Variants in CNTN4 observed in about 807,000 individuals in gnomAD.
CNTN4 encodes contactin 4, also known as contactin-4.
Under a neutral mutation model 122.5 loss-of-function variants are expected in CNTN4, and 77 were observed. The observed-to-expected ratio is 0.63, with a 90% CI of 0.52 to 0.76. CNTN4 has a LOEUF of 0.76. Ranked by LOEUF, CNTN4 falls within the 30% of genes least tolerant of loss-of-function variation. The pLI is 0.00. For synonymous variants in CNTN4, 512 were observed against 447.0 expected (o/e 1.15, Z -1.83); for missense variants, 1,256 against 1,259.1 (o/e 1.00, Z 0.04).
intron 3 of CNTN4, among the ~76,000 whole-genome samples, chr3:2,566,529 A>G (rs559159019): frequency 1.3e-5 from 2 of 152,218 alleles, no homozygotes; most frequent in African/African-American, 4.8e-5. Flanking sequence ...GTGGTTCACT[A>G]TTCTATGTGC....
At chr3:2,402,852 C>A (rs1473958703) in intron 3 of CNTN4, among the ~76,000 whole-genome samples, 1 of 152,120 alleles carries the variant, frequency 6.6e-6, no homozygotes, top group Non-Finnish European at 1.5e-5. Context: ...GCAGGTTATA[C>A]CTTACGCAGT....
chr3:2,910,520 A>G lies in CNTN4; in HGVS notation c.1207+7515A>G, dbSNP rs113317075. 3.7e-3 allele frequency among the ~76,000 whole-genome samples: 563 copies of G among 152,312 alleles called. 7 individuals carry two copies. Among genetic ancestry groups the G allele is most frequent in the African/African-American group, 0.013 (536 of 41,574 alleles). ...AAAGAGGCAAAGTTTTTCATCAGTC[A>G]GTAAGAAATATGTTATTTTTCTCTT... On this transcript the variant is annotated intron_variant, in intron 12 of 24. Coordinates refer to ENST00000418658, the MANE Select transcript of CNTN4 (RefSeq NM_175607.3).
chr3:2,567,180 G>T (rs1038534777), intron 3 of CNTN4, among the ~76,000 whole-genome samples: 2 of 151,208 alleles, frequency 1.3e-5, no homozygotes, highest in Non-Finnish European at 2.9e-5. Flanking sequence ...TCCGCCTCCT[G>T]GGTTCAAGCC....
At chr3:3,014,160 T>G (rs146915543) in intron 14 of CNTN4, among the ~76,000 whole-genome samples, 1 of 152,328 alleles carries the variant, frequency 6.6e-6, no homozygotes, top group African/African-American at 2.4e-5. Context: ...TAATGTTTTT[T>G]GACTAACCAA....
At chr3:2,827,815 GGCGGAT>G in intron 7 of CNTN4, among the ~76,000 whole-genome samples, 1 of 152,282 alleles carries the variant, frequency 6.6e-6, no homozygotes. Flanking sequence ...GGTAGACTTA[GGCGGAT>G]GCAGGACTTT....
At chr3:2,592,719 C>T (rs1170360929) in intron 4 of CNTN4, among the ~76,000 whole-genome samples, 1 of 152,166 alleles carries the variant, frequency 6.6e-6, no homozygotes, top group Non-Finnish European at 1.5e-5. Context: ...TTGTAAATTG[C>T]CCCATCTTGG....
In CNTN4 at chr3:2,437,995, A is replaced by G. The variant is rs867945065; in HGVS notation, c.-89+98762A>G. Among the ~76,000 whole-genome samples, 8 of 152,242 alleles carry G rather than the reference A, an allele frequency of 5.3e-5. No individual in the cohort carries two copies. The Middle Eastern group carries it at 0.017, about 324-fold the overall frequency. On this transcript the variant is annotated intron_variant, in intron 3 of 24. Transcript: ENST00000418658. ...AGCATCAAAATTGGTACTGCATTAT[A>G]TTTTAAGCCTATGAGGGGATGCCCT...
chr3:2,285,741 G>A (rs2041878322), intron 2 of CNTN4, among the ~76,000 whole-genome samples: 1 of 152,068 alleles, frequency 6.6e-6, no homozygotes, highest in Admixed American at 6.6e-5. Flanking sequence ...ATTATTTACT[G>A]AGATTTGTTT....
chr3:2,944,422 A>G (rs1176517984), intron 13 of CNTN4, among the ~76,000 whole-genome samples: 2 of 152,060 alleles, frequency 1.3e-5, no homozygotes, highest in African/African-American at 2.4e-5. Context: ...GACTGCATTC[A>G]TTTTCTTTCT....
intron 5 of CNTN4, among the ~76,000 whole-genome samples, chr3:2,740,345 G>A (rs2089387665): frequency 6.6e-6 from 1 of 152,170 alleles, no homozygotes; most frequent in South Asian, 2.1e-4. Context: ...GGGTGACAGA[G>A]CAGGAACCGG....
At position 2,883,299 on chromosome 3, in the gene CNTN4, T is replaced by C. The variant is rs944030594; in HGVS notation, c.755+52T>C. Reference sequence around the variant, plus strand: ...ATCCTCCCTTCAGCTTGAGCAGGTATAGAGTTTTTCTTGCACTGTTCACAG... The same window carrying C: ...ATCCTCCCTTCAGCTTGAGCAGGTACAGAGTTTTTCTTGCACTGTTCACAG... On this transcript the variant is annotated intron_variant, in intron 9 of 24. Transcript: ENST00000418658. 3.6e-6 allele frequency: 5 copies of C among 1,385,672 alleles called. No individual in the cohort carries two copies. In the African/African-American group the frequency reaches 5.7e-5, roughly 16 times the overall value. The allele number at this position is 1,385,672 out of a possible 1,614,324, so 85.8% of individuals were successfully genotyped here.
rs138800859 is a variant in CNTN4, at chr3:2,195,281, C to G, written c.-145+94642C>G. On this transcript the variant is annotated intron_variant, in intron 2 of 24. Coordinates refer to ENST00000418658, the MANE Select transcript of CNTN4 (RefSeq NM_175607.3). ...TTCTTTTTCATGTCTGAATAGTATT[C>G]CATTGTCTACATATTCCACATTTTC... Among the ~76,000 whole-genome samples, 41 of 152,284 alleles carry G rather than the reference C, an allele frequency of 2.7e-4. No individual in the cohort carries two copies. In the East Asian group the frequency reaches 7.5e-3, roughly 28 times the overall value.
chr3:2,703,841 A>G (rs2086495211), intron 4 of CNTN4, among the ~76,000 whole-genome samples: 2 of 152,172 alleles, frequency 1.3e-5, no homozygotes, highest in South Asian at 4.1e-4. Context: ...AAATGAAAAT[A>G]AAAGAGCTAA....
Position 2,834,898 on chromosome 3 carries a change from C to CTTTTTTTTTTTTTTT in CNTN4, c.454+15327_454+15341dup, listed in dbSNP as rs71058653. Among the ~76,000 whole-genome samples, 44 of 60,460 alleles carry CTTTTTTTTTTTTTTT rather than the reference C, an allele frequency of 7.3e-4. 6 individuals carry two copies. Among genetic ancestry groups the CTTTTTTTTTTTTTTT allele is most frequent in the African/African-American group, 3.1e-3 (41 of 13,268 alleles). 39.7% of individuals were successfully genotyped at this position (60,460 alleles called of 152,430 possible). On this transcript the variant is annotated intron_variant, in intron 7 of 24. Coordinates refer to ENST00000418658, the MANE Select transcript of CNTN4 (RefSeq NM_175607.3). ...AAGCATTAAATTAGATAAAGGCAAC[C>CTTTTTTTTTTTTTTT]TTTTTTTTTTTTTTTTTTTTTTTTG...
chr3:2,347,291 G>C (rs939138021), intron 3 of CNTN4, among the ~76,000 whole-genome samples: 1 of 151,968 alleles, frequency 6.6e-6, no homozygotes, highest in Non-Finnish European at 1.5e-5. Flanking sequence ...AAGAAAACCT[G>C]TGGAATCATA....
rs76699313 is a variant in CNTN4, at chr3:2,297,569, C to A, written c.-144-41609C>A. 6.2e-3 allele frequency among the ~76,000 whole-genome samples: 939 copies of A among 152,164 alleles called. 9 individuals are homozygous for A. The highest frequency in any genetic ancestry group is 0.021 in the African/African-American group (888 of 41,516). On this transcript the variant is annotated intron_variant, in intron 2 of 24. Transcript: ENST00000418658. ...TTTCACCCTGCCCATTTAATCCCCA[C>A]GCATTTTAGACTTATAAAATACTGT...
chr3:2,452,040 T>TGACTCAG, intron 3 of CNTN4, among the ~76,000 whole-genome samples: 1 of 152,126 alleles, frequency 6.6e-6, no homozygotes, highest in East Asian at 1.9e-4. Context: ...TAGAGTAGCC[T>TGACTCAG]GCAAATCAGG....
chr3:2,956,477 TAA>T lies in CNTN4; in HGVS notation c.1358+30703_1358+30704del, dbSNP rs528490502. ...ATATTTTACCACAGTAAAAAAGATA[TAA>T]AAAATGGAAAATAGGCAAAGACAAA... On this transcript the variant is annotated intron_variant, in intron 13 of 24. Coordinates refer to ENST00000418658, the MANE Select transcript of CNTN4 (RefSeq NM_175607.3). Among the ~76,000 whole-genome samples the T allele has an allele frequency of 2.2e-3, 338 of 152,222 alleles. 1 individual carries two copies. Among genetic ancestry groups the T allele is most frequent in the Middle Eastern group, 6.8e-3 (2 of 294 alleles).
intron 2 of CNTN4, among the ~76,000 whole-genome samples, chr3:2,300,087 T>A (rs566700635): frequency 3.3e-5 from 5 of 152,198 alleles, no homozygotes; most frequent in African/African-American, 4.8e-5. Context: ...AAACTGACTC[T>A]ATTACTGAAT....
Sources: gnomAD v4.1 joint callset for allele counts (sites outside exome capture counted in the v4.1 genomes callset) on GRCh38, gnomAD v4.1.1 for gene constraint, MANE v1.5 for transcripts, NCBI Gene and HGNC (gene_info 2026-07-23, HGNC 2026-07-21) for gene names.